The following OPCML variants were observed in gnomAD, a reference collection of about 807,000 sequenced individuals.
The protein encoded by OPCML is opioid-binding protein/cell adhesion molecule.
OPCML carries 13 observed loss-of-function variants against 37.8 expected under a neutral mutation model. The observed-to-expected ratio is 0.34, with a 90% CI of 0.22 to 0.55. OPCML has a LOEUF of 0.55. Ranked by LOEUF, OPCML falls within the 20% of genes least tolerant of loss-of-function variation. The pLI is 0.91. For missense variants in OPCML, 341 were observed against 435.6 expected (o/e 0.78, Z 1.93); for synonymous variants, 176 against 168.8 (o/e 1.04, Z -0.33).
chr11:133,465,713 G>A (rs891491268), intron 1 of OPCML, among the ~76,000 whole-genome samples: 5 of 152,254 alleles, frequency 3.3e-5, no homozygotes, highest in East Asian at 1.9e-4. Context: ...TCCTCCACTC[G>A]TTAGCTGAAC....
intron 3 of OPCML, among the ~76,000 whole-genome samples, chr11:132,602,655 C>A (rs1340787606): frequency 6.6e-6 from 1 of 152,182 alleles, no homozygotes; most frequent in African/African-American, 2.4e-5. Flanking sequence ...CCTAAAGTTT[C>A]ATGGAAATCA....
At chr11:132,536,502 A>G (rs947490331) in intron 3 of OPCML, among the ~76,000 whole-genome samples, 1 of 152,210 alleles carries the variant, frequency 6.6e-6, no homozygotes, top group Non-Finnish European at 1.5e-5. Flanking sequence ...TGGCTTAAAA[A>G]TCTATTATTA....
At chr11:132,922,391 G>C (rs2136590580) in intron 2 of OPCML, among the ~76,000 whole-genome samples, 1 of 152,114 alleles carries the variant, frequency 6.6e-6, no homozygotes. Flanking sequence ...GCTTGAACGA[G>C]AACTATGAAG....
intron 1 of OPCML, among the ~76,000 whole-genome samples, chr11:133,203,810 G>A (rs1349230683): frequency 6.6e-6 from 1 of 152,142 alleles, no homozygotes; most frequent in Non-Finnish European, 1.5e-5. Flanking sequence ...TGTAATCCCA[G>A]TACTTTGGGA....
chr11:132,819,826 C>T lies in OPCML; in HGVS notation c.146+123100G>A, dbSNP rs376459297. 4.6e-5 allele frequency among the ~76,000 whole-genome samples: 7 copies of T among 152,242 alleles called. No homozygotes were observed. In the South Asian group the frequency reaches 1.5e-3, roughly 32 times the overall value. On this transcript the variant is annotated intron_variant, in intron 2 of 7. Coordinates refer to ENST00000524381, the MANE Select transcript of OPCML (RefSeq NM_001012393.5). ...AGTATACTTTTCTCCAGATAACCAA[C>T]CAAACAGCTCGCTAAAAAACACATG... is the stretch of plus-strand genomic sequence containing the variant.
chr11:132,503,824 A>G (rs2096250763), intron 4 of OPCML, among the ~76,000 whole-genome samples: 1 of 152,180 alleles, frequency 6.6e-6, no homozygotes, highest in Non-Finnish European at 1.5e-5. Flanking sequence ...AAGAAAAATC[A>G]TCTTTATTTA....
chr11:132,539,604 A>G (rs970636001), intron 3 of OPCML, among the ~76,000 whole-genome samples: 1 of 152,056 alleles, frequency 6.6e-6, no homozygotes, highest in Non-Finnish European at 1.5e-5. Context: ...GTGATAGATG[A>G]TGATGGTGAT....
At chr11:133,284,517 C>G (rs2136517640) in intron 1 of OPCML, among the ~76,000 whole-genome samples, 1 of 152,270 alleles carries the variant, frequency 6.6e-6, no homozygotes, top group Middle Eastern at 3.4e-3. Context: ...AGGAGGAAGA[C>G]AGAGATGGGA....
chr11:132,511,989 T>C (rs1027144756), intron 4 of OPCML, among the ~76,000 whole-genome samples: 1 of 152,046 alleles, frequency 6.6e-6, no homozygotes, highest in Non-Finnish European at 1.5e-5. Flanking sequence ...ATAAGACATG[T>C]ATCTAGAATA....
At chr11:132,921,111 A>G (rs970741090) in intron 2 of OPCML, among the ~76,000 whole-genome samples, 2 of 152,154 alleles carry the variant, frequency 1.3e-5, no homozygotes, top group Admixed American at 6.5e-5. Flanking sequence ...CTTTCCTGAT[A>G]GTACTGTGTG....
chr11:132,793,567 A>G (rs999847195), intron 2 of OPCML, among the ~76,000 whole-genome samples: 4 of 152,166 alleles, frequency 2.6e-5, no homozygotes, highest in African/African-American at 9.7e-5. Context: ...CCAGAGAGAT[A>G]CAATCCCTTG....
intron 1 of OPCML, among the ~76,000 whole-genome samples, chr11:133,078,815 G>T (rs140569900): frequency 1.0e-3 from 154 of 152,216 alleles, no homozygotes; most frequent in African/African-American, 3.5e-3. Context: ...AACTTAAGAC[G>T]TAAACCCAGA....
intron 4 of OPCML, among the ~76,000 whole-genome samples, chr11:132,452,803 G>A (rs2096072048): frequency 6.6e-6 from 1 of 152,122 alleles, no homozygotes; most frequent in African/African-American, 2.4e-5. Context: ...CCCAAAATAT[G>A]ACTCAGATTG....
intron 1 of OPCML, among the ~76,000 whole-genome samples, chr11:132,963,754 TTA>T (rs1946148195): frequency 1.2e-5 from 1 of 84,436 alleles, no homozygotes; most frequent in Non-Finnish European, 3.2e-5. Context: ...TATTACGATA[TTA>T]TTATTATTAT....
At chr11:132,868,072 T>G (rs1346202301) in intron 2 of OPCML, among the ~76,000 whole-genome samples, 4 of 152,168 alleles carry the variant, frequency 2.6e-5, no homozygotes, top group African/African-American at 9.7e-5. Context: ...CGTAAAGTGC[T>G]TTGCTAGCAC....
chr11:132,644,001 G>A (rs1027231744), intron 3 of OPCML, among the ~76,000 whole-genome samples: 3 of 152,118 alleles, frequency 2.0e-5, no homozygotes, highest in African/African-American at 4.8e-5. Flanking sequence ...AGATCATTGC[G>A]GAGTTTTTAG....
intron 2 of OPCML, among the ~76,000 whole-genome samples, chr11:132,806,315 G>A (rs1008709763): frequency 6.6e-6 from 1 of 152,090 alleles, no homozygotes; most frequent in African/African-American, 2.4e-5. Flanking sequence ...AAAAGGCATA[G>A]ACTAACAGAC....
At chr11:132,905,662 C>T (rs1386989610) in intron 2 of OPCML, among the ~76,000 whole-genome samples, 2 of 151,970 alleles carry the variant, frequency 1.3e-5, no homozygotes, top group Non-Finnish European at 2.9e-5. Context: ...ACCAATTTCA[C>T]TTTAGGAACA....
intron 2 of OPCML, among the ~76,000 whole-genome samples, chr11:132,685,209 A>AT (rs1456266604): frequency 2.6e-5 from 4 of 152,090 alleles, no homozygotes; most frequent in African/African-American, 7.2e-5. Context: ...CAAGCACTGG[A>AT]TTTTCCCTTT....
Sources: gnomAD v4.1 joint callset for allele counts (sites outside exome capture counted in the v4.1 genomes callset) on GRCh38, gnomAD v4.1.1 for gene constraint, MANE v1.5 for transcripts, NCBI Gene and HGNC (gene_info 2026-07-23, HGNC 2026-07-21) for gene names.